The following LRRTM4 variants were observed in gnomAD, a reference collection of about 807,000 sequenced individuals.
LRRTM4 encodes the protein leucine-rich repeat transmembrane neuronal protein 4.
Under a neutral mutation model 47.6 loss-of-function variants are expected in LRRTM4, and 25 were observed. The ratio of observed to expected loss-of-function variants is 0.53; its 90% CI spans 0.38 to 0.73. LRRTM4 has a LOEUF of 0.73. Among genes scored for constraint, LRRTM4 ranks in the 30% least tolerant of loss-of-function variants. The probability of loss-of-function intolerance (pLI) is 0.00; values close to 1 mark genes in which losing one functional copy is unlikely to be tolerated. For missense variants in LRRTM4, 638 were observed against 713.4 expected (o/e 0.89, Z 1.20); for synonymous variants, 311 against 269.5 (o/e 1.15, Z -1.51).
intron 3 of LRRTM4, among the ~76,000 whole-genome samples, chr2:77,322,776 T>C (rs1414945235): frequency 6.7e-6 from 1 of 149,620 alleles, no homozygotes; most frequent in East Asian, 2.0e-4. Context: ...TTGTTATGCG[T>C]ATAACAGAGA....
At chr2:76,919,495 T>C (rs1674367179) in intron 3 of LRRTM4, among the ~76,000 whole-genome samples, 1 of 152,126 alleles carries the variant, frequency 6.6e-6, no homozygotes, top group Admixed American at 6.5e-5. Flanking sequence ...AACCCAGCCC[T>C]TCTGGTTAAA....
intron 3 of LRRTM4, among the ~76,000 whole-genome samples, chr2:76,869,053 G>T (rs545244047): frequency 3.9e-5 from 6 of 152,270 alleles, no homozygotes; most frequent in Admixed American, 1.3e-4. Flanking sequence ...GCTCACGCAT[G>T]TAATCCCAGC....
intron 3 of LRRTM4, among the ~76,000 whole-genome samples, chr2:77,388,439 G>A (rs372682279): frequency 1.2e-3 from 178 of 152,266 alleles, no homozygotes; most frequent in African/African-American, 4.1e-3. Flanking sequence ...ATAAATCTGA[G>A]AGAGCTTCTC....
At chr2:76,923,412 T>C (rs1432115215) in intron 3 of LRRTM4, among the ~76,000 whole-genome samples, 1 of 151,934 alleles carries the variant, frequency 6.6e-6, no homozygotes, top group Non-Finnish European at 1.5e-5. Flanking sequence ...AAATAAGTTA[T>C]ATTAATAAAT....
At chr2:76,781,989 A>C (rs1016159755) in intron 3 of LRRTM4, among the ~76,000 whole-genome samples, 1 of 152,156 alleles carries the variant, frequency 6.6e-6, no homozygotes, top group Non-Finnish European at 1.5e-5. Flanking sequence ...TAAAATTGTC[A>C]AACCATCCTT....
Position 77,350,543 on chromosome 2 carries a change from A to G in LRRTM4, c.1551+167775T>C, listed in dbSNP as rs373253391. On this transcript the variant is annotated intron_variant, in intron 3 of 3. Coordinates refer to ENST00000409884, the MANE Select transcript of LRRTM4 (RefSeq NM_001134745.3). ...ATCAAGACTTGAAATCCAAAAATCT[A>G]TGAAAGGAAATGGAGATATATTTGA... Among the ~76,000 whole-genome samples, 7 of 152,112 alleles carry G rather than the reference A, an allele frequency of 4.6e-5. No homozygotes were observed. The East Asian group carries it at 1.4e-3, about 29-fold the overall frequency.
chr2:77,107,756 T>G, intron 3 of LRRTM4, among the ~76,000 whole-genome samples: 1 of 143,624 alleles, frequency 7.0e-6, no homozygotes, highest in Admixed American at 7.3e-5. Context: ...AGGCAGAGTT[T>G]GCAGTGAGCC....
chr2:77,232,453 A>C (rs1051146000), intron 3 of LRRTM4, among the ~76,000 whole-genome samples: 11 of 152,204 alleles, frequency 7.2e-5, no homozygotes, highest in Non-Finnish European at 1.5e-5. Flanking sequence ...CATGATACAA[A>C]ATATTGCCCT....
chr2:76,890,253 C>T (rs867384176), intron 3 of LRRTM4, among the ~76,000 whole-genome samples: 1 of 151,924 alleles, frequency 6.6e-6, no homozygotes. Flanking sequence ...GAATCCAGGT[C>T]TCATGATTCC....
At chr2:76,901,104 G>C (rs11887943) in intron 3 of LRRTM4, among the ~76,000 whole-genome samples, 1 of 151,950 alleles carries the variant, frequency 6.6e-6, no homozygotes, top group Non-Finnish European at 1.5e-5. Flanking sequence ...TGTTACATTG[G>C]TAAACGTATA....
intron 3 of LRRTM4, among the ~76,000 whole-genome samples, chr2:76,833,851 T>G (rs889252044): frequency 5.3e-5 from 8 of 151,656 alleles, no homozygotes; most frequent in Admixed American, 2.0e-4. Flanking sequence ...ACTGTGCTAT[T>G]TAATCACAAA....
intron 3 of LRRTM4, among the ~76,000 whole-genome samples, chr2:77,174,989 C>T (rs376761346): frequency 2.2e-4 from 34 of 151,994 alleles, no homozygotes; most frequent in Admixed American, 1.8e-3. Flanking sequence ...GTGGAACAGA[C>T]GTGAATGTGA....
intron 3 of LRRTM4, among the ~76,000 whole-genome samples, chr2:76,938,000 A>G (rs1046935454): frequency 6.6e-6 from 1 of 152,092 alleles, no homozygotes; most frequent in African/African-American, 2.4e-5. Flanking sequence ...AGTTTTCATT[A>G]ATTGATTTTC....
intron 3 of LRRTM4, among the ~76,000 whole-genome samples, chr2:77,072,366 T>C (rs116011481): frequency 0.014 from 2,191 of 152,296 alleles, 51 homozygotes; most frequent in African/African-American, 0.05. Flanking sequence ...ATGTTTTTCA[T>C]TGCAATTGAA....
chr2:76,837,110 G>C (rs984498769), intron 3 of LRRTM4, among the ~76,000 whole-genome samples: 5 of 152,060 alleles, frequency 3.3e-5, no homozygotes, highest in African/African-American at 1.2e-4. Flanking sequence ...GTTTAGTCTT[G>C]GGAGACTGTA....
chr2:76,922,541 G>A (rs1274781514), intron 3 of LRRTM4, among the ~76,000 whole-genome samples: 7 of 152,196 alleles, frequency 4.6e-5, no homozygotes, highest in Admixed American at 2.0e-4. Context: ...TGGGGGCACA[G>A]AGCCAAACCA....
chr2:77,351,763 G>A (rs1309712903), intron 3 of LRRTM4, among the ~76,000 whole-genome samples: 1 of 151,864 alleles, frequency 6.6e-6, no homozygotes, highest in African/African-American at 2.4e-5. Context: ...TGTGTGTAAA[G>A]AGGAGGAAGG....
chr2:77,008,733 C>G (rs986702739), intron 3 of LRRTM4, among the ~76,000 whole-genome samples: 8 of 152,038 alleles, frequency 5.3e-5, no homozygotes, highest in African/African-American at 1.9e-4. Flanking sequence ...TTGCTTCTGC[C>G]TGGGACACAG....
intron 3 of LRRTM4, among the ~76,000 whole-genome samples, chr2:77,181,970 G>C (rs1039967918): frequency 6.6e-6 from 1 of 152,130 alleles, no homozygotes; most frequent in Non-Finnish European, 1.5e-5. Flanking sequence ...TACACTGTTG[G>C]TGGCAATGTA....
Sources: allele counts gnomAD v4.1 joint callset (sites outside exome capture counted in the v4.1 genomes callset), GRCh38; gene constraint gnomAD v4.1.1; transcripts MANE v1.5; gene names NCBI Gene and HGNC (gene_info 2026-07-23, HGNC 2026-07-21).